Variants in RTRAF observed in about 807,000 individuals in gnomAD.
RTRAF encodes the protein tRNA-splicing ligase complex subunit RTRAF.
In RTRAF, 14 loss-of-function variants were observed where a neutral mutation model predicts 34.4. That is an observed-to-expected ratio of 0.41 (90% CI 0.27 to 0.64). The LOEUF is 0.64. Ranked by LOEUF, RTRAF falls within the 30% of genes least tolerant of loss-of-function variation. The pLI is 0.34. For synonymous variants in RTRAF, 96 were observed against 95.3 expected (o/e 1.01, Z -0.04); for missense variants, 291 against 288.4 (o/e 1.01, Z -0.06).
intron 5 of RTRAF, among the ~76,000 whole-genome samples, chr14:52,000,351 C>CT (rs569844845): frequency 6.4e-4 from 97 of 152,258 alleles, no homozygotes; most frequent in African/African-American, 2.0e-3. Context: ...CATAACTATA[C>CT]TTCAGGAATC....
rs2140332429 is a variant in RTRAF, at chr14:52,004,073, C to T, written c.532-121C>T. The stretch of plus-strand genomic sequence containing the variant: ...AAATATAAACAAAATTCCTAGTTCC[C>T]TTGCCCATGCAGCTAAAAGAGTTAA... On this transcript the variant is annotated intron_variant, in intron 6 of 7. Coordinates refer to ENST00000261700, the MANE Select transcript of RTRAF (RefSeq NM_016039.3). 11 of 832,984 alleles carry T rather than the reference C, an allele frequency of 1.3e-5. No individual in the cohort carries two copies. The South Asian group carries it at 1.8e-4, about 14-fold the overall frequency. The allele number at this position is 832,984 out of a possible 1,614,324, so 51.6% of individuals were successfully genotyped here. A position where few individuals can be genotyped will look rare whatever the true frequency, so the allele number is the denominator to read the frequency against.
In RTRAF at chr14:52,008,762, G is replaced by T. The variant is rs1287444096; in HGVS notation, c.*4246G>T. On this transcript the variant is annotated 3_prime_UTR_variant, in exon 8 of 8. Coordinates refer to ENST00000261700, the MANE Select transcript of RTRAF (RefSeq NM_016039.3). ...TAGGAATGGCTTCGATACAAACTATGGAACTTGAAGAGATGTGGACCAGGG... is the reference window on the plus strand; with the variant it reads ...TAGGAATGGCTTCGATACAAACTATTGAACTTGAAGAGATGTGGACCAGGG... The T allele has an allele frequency of 6.6e-6, 1 of 152,150 alleles. No individual in the cohort carries two copies. Among genetic ancestry groups the T allele is most frequent in the Non-Finnish European group, 1.5e-5 (1 of 68,034 alleles). The allele number at this position is 152,150 out of a possible 1,614,324, so 9.4% of individuals were successfully genotyped here. A position where few individuals can be genotyped will look rare whatever the true frequency, so the allele number is the denominator to read the frequency against.
At chr14:52,004,095 T>G (rs759800104) in intron 6 of RTRAF, 99 bp from the exon 7 acceptor site, 105 of 1,033,348 alleles carry the variant, frequency 1.0e-4, no homozygotes, top group African/African-American at 1.6e-4. Context: ...GCTAAAAGAG[T>G]TAAGACACCA....
In RTRAF at chr14:52,005,434, T is replaced by G; in HGVS notation, c.*918T>G. 1 of 1,517,084 alleles carries G rather than the reference T, an allele frequency of 6.6e-7. No homozygotes were observed. The highest frequency in any genetic ancestry group is 1.4e-5 in the South Asian group (1 of 72,378). The allele number at this position is 1,517,084 out of a possible 1,614,324, so 94.0% of individuals were successfully genotyped here. ...CTTTGCCTTTGCAGTCACTGTTCTT[T>G]AGGGTCCAGGTTCTGATTGTAAACT... On this transcript the variant is annotated 3_prime_UTR_variant, in exon 8 of 8. Transcript: ENST00000261700.
rs1890678421 is a variant in RTRAF, at chr14:52,004,545, C to CTTAGTACA, written c.*30_*37dup. ...CTTGAGGACTTCAGCTTCTCACCTACTTAGTACAGTTGGGAACCATACACT... is the reference window on the plus strand; with the variant it reads ...CTTGAGGACTTCAGCTTCTCACCTACTTAGTACATTAGTACAGTTGGGAACCATACACT... On this transcript the variant is annotated 3_prime_UTR_variant, in exon 8 of 8. Coordinates refer to ENST00000261700, the MANE Select transcript of RTRAF (RefSeq NM_016039.3). 6.2e-7 allele frequency: 1 copy of CTTAGTACA among 1,602,782 alleles called. No homozygotes were observed. The highest frequency in any genetic ancestry group is 8.5e-7 in the Non-Finnish European group (1 of 1,174,482).
rs955747505 is a variant in RTRAF, at chr14:52,009,952, AC to A, written c.*5440del. The A allele has an allele frequency of 6.6e-6, 1 of 152,106 alleles. No homozygotes were observed. The highest frequency in any genetic ancestry group is 1.5e-5 in the Non-Finnish European group (1 of 68,044). The allele number at this position is 152,106 out of a possible 1,614,324, so 9.4% of individuals were successfully genotyped here. A position where few individuals can be genotyped will look rare whatever the true frequency, so the allele number is the denominator to read the frequency against. On this transcript the variant is annotated 3_prime_UTR_variant, in exon 8 of 8. Coordinates refer to ENST00000261700, the MANE Select transcript of RTRAF (RefSeq NM_016039.3). ...TAGTCAGCCGAGACTGTGCCACTGC[AC>A]CCCAGCCTCGGCAACAAAGCAAGAC...
At chr14:51,998,759 C>T (rs895621857) in intron 4 of RTRAF, among the ~76,000 whole-genome samples, 179 bp downstream of exon 4, 1 of 151,750 alleles carries the variant, frequency 6.6e-6, no homozygotes, top group Non-Finnish European at 1.5e-5. Context: ...TTTCTCCTTC[C>T]CCTTGCATTT....
chr14:52,005,336 A>G lies in RTRAF; in HGVS notation c.*820A>G, dbSNP rs1890724607. ...AGATTGAGGTATCAGCTTTTCACAA[A>G]AGTCTTTTTGCACTACAAAATGTTC... On this transcript the variant is annotated 3_prime_UTR_variant, in exon 8 of 8. Coordinates refer to ENST00000261700, the MANE Select transcript of RTRAF (RefSeq NM_016039.3). 1.7e-6 allele frequency: 1 copy of G among 601,420 alleles called. No individual in the cohort carries two copies. 37.3% of individuals were successfully genotyped at this position (601,420 alleles called of 1,614,324 possible).
At chr14:52,003,208 A>G (rs796447445) in intron 6 of RTRAF, among the ~76,000 whole-genome samples, 4 of 152,300 alleles carry the variant, frequency 2.6e-5, no homozygotes, top group African/African-American at 9.6e-5. Flanking sequence ...AGCATTTATA[A>G]CTACTATTTG....
intron 1 of RTRAF, 77 bp downstream of exon 1, chr14:51,989,777 TC>T: frequency 7.0e-7 from 1 of 1,423,692 alleles, no homozygotes. Context: ...GCACCCCACC[TC>T]CCCGTCGGGA....
rs1890823095 is a variant in RTRAF at position 52,007,304 on chromosome 14, A to C, written c.*2788A>C. The C allele has an allele frequency of 6.4e-6, 1 of 155,464 alleles. No homozygotes were observed. The highest frequency in any genetic ancestry group is 2.4e-5 in the African/African-American group (1 of 41,474). 9.6% of individuals were successfully genotyped at this position (155,464 alleles called of 1,614,324 possible). The stretch of plus-strand genomic sequence containing the variant: ...TTTATTAGATTACAAATTCAAGAAC[A>C]GTCTTTTTCATATTCTTTAGTATAG... On this transcript the variant is annotated 3_prime_UTR_variant, in exon 8 of 8. Transcript: ENST00000261700.
In RTRAF at chr14:52,005,334, A is replaced by G. The variant is rs1890724272; in HGVS notation, c.*818A>G. ...AAAGATTGAGGTATCAGCTTTTCAC[A>G]AAAGTCTTTTTGCACTACAAAATGT... On this transcript the variant is annotated 3_prime_UTR_variant, in exon 8 of 8. Coordinates refer to ENST00000261700, the MANE Select transcript of RTRAF (RefSeq NM_016039.3). 1.7e-6 allele frequency: 1 copy of G among 595,280 alleles called. No individual in the cohort carries two copies. The allele number at this position is 595,280 out of a possible 1,614,324, so 36.9% of individuals were successfully genotyped here.
chr14:51,998,767 T>G (rs923588570), intron 4 of RTRAF, among the ~76,000 whole-genome samples, 187 bp downstream of exon 4: 6 of 151,988 alleles, frequency 3.9e-5, no homozygotes, highest in African/African-American at 1.4e-4. Context: ...TCCCCTTGCA[T>G]TTGAATATCT....
chr14:51,992,834 C>T (rs998478096), intron 2 of RTRAF, among the ~76,000 whole-genome samples: 19 of 152,072 alleles, frequency 1.2e-4, no homozygotes, highest in Middle Eastern at 3.2e-3. Flanking sequence ...GGTTCGAGAC[C>T]AGCCGGGCCA....
Position 52,004,651 on chromosome 14 carries a change from C to T in RTRAF, c.*135C>T. ...TTGGGTATGTTCTAGAGATTTACCA[C>T]CATTGCTTATTGCTTTTTTCTTTAA... On this transcript the variant is annotated 3_prime_UTR_variant, in exon 8 of 8. Transcript: ENST00000261700. The T allele has an allele frequency of 1.4e-6, 1 of 729,578 alleles. No individual in the cohort carries two copies. Among genetic ancestry groups the T allele is most frequent in the Non-Finnish European group, 2.1e-6 (1 of 467,224 alleles). The allele number at this position is 729,578 out of a possible 1,614,324, so 45.2% of individuals were successfully genotyped here.
rs1430537707 is a variant in RTRAF at position 52,006,939 on chromosome 14, TTG to T, written c.*2428_*2429del. The T allele has an allele frequency of 4.1e-6, 1 of 241,920 alleles. No individual in the cohort carries two copies. The highest frequency in any genetic ancestry group is 2.3e-5 in the African/African-American group (1 of 44,428). The allele number at this position is 241,920 out of a possible 1,614,324, so 15.0% of individuals were successfully genotyped here. ...CATTAAACATAATTATTTTTATAAT[TTG>T]TGTGATTTCAAGCCTTAGCTTATAA... On this transcript the variant is annotated 3_prime_UTR_variant, in exon 8 of 8. Coordinates refer to ENST00000261700, the MANE Select transcript of RTRAF (RefSeq NM_016039.3).
chr14:51,990,100 T>G (rs1452083882), intron 1 of RTRAF, among the ~76,000 whole-genome samples: 2 of 152,152 alleles, frequency 1.3e-5, no homozygotes, highest in African/African-American at 4.8e-5. Context: ...CTGAGTAACT[T>G]GAAGACTAGT....
rs1162075739 is a variant in RTRAF at position 51,993,741 on chromosome 14, T to G, written c.205T>G (p.Cys69Gly). The G allele has an allele frequency of 6.3e-7, 1 of 1,599,910 alleles. No individual in the cohort carries two copies. Among genetic ancestry groups the G allele is most frequent in the Non-Finnish European group, 8.5e-7 (1 of 1,172,550 alleles). Residue 69 changes from cysteine (C) to glycine (G), a missense_variant, in exon 3 of 8, where the codon TGT becomes GGT. Transcript: ENST00000261700. ...CTCACAGTATCTCAGAGATGTTAAC[T>G]GTCCTTTCAAGATTCAAGATCGACA... The part of the protein sequence containing the change: ...FFEKYLRDVN[C>G]PFKIQDRQEA...
At chr14:52,002,454 C>T (rs1006979658) in intron 6 of RTRAF, among the ~76,000 whole-genome samples, 3 of 152,086 alleles carry the variant, frequency 2.0e-5, no homozygotes, top group African/African-American at 7.2e-5. Flanking sequence ...TGTCAGTCTG[C>T]CCAGGTGAAG....
Sources: allele counts gnomAD v4.1 joint callset (sites outside exome capture counted in the v4.1 genomes callset), GRCh38; gene constraint gnomAD v4.1.1; transcripts MANE v1.5; gene names NCBI Gene and HGNC (gene_info 2026-07-23, HGNC 2026-07-21).